Variants in SKI observed in about 807,000 individuals in gnomAD.
The protein encoded by SKI is ski oncogene.
In SKI, 23 loss-of-function variants were observed where a neutral mutation model predicts 59.3. The ratio of observed to expected loss-of-function variants is 0.39; its 90% confidence interval spans 0.28 to 0.55. The LOEUF is 0.55. Ranked by LOEUF, SKI falls within the 20% of genes least tolerant of loss-of-function variation. SKI has a pLI of 0.67. For missense variants in SKI, 1,017 were observed against 1,038.9 expected (o/e 0.98, Z 0.29); for synonymous variants, 673 against 488.6 (o/e 1.38, Z -4.98).
At chr1:2,248,123 A>G (rs1639039683) in intron 1 of SKI, 1 of 152,106 alleles carries the variant, frequency 6.6e-6, no homozygotes, top group Admixed American at 6.5e-5. Flanking sequence ...GGAGCAGCCC[A>G]CATTCCTTCC....
chr1:2,282,527 C>G (rs544431880), intron 1 of SKI, among the ~76,000 whole-genome samples: 1 of 151,564 alleles, frequency 6.6e-6, no homozygotes. Context: ...CAGGCAGTGG[C>G]GGAGATCTTC....
intron 1 of SKI, among the ~76,000 whole-genome samples, chr1:2,246,860 G>GA (rs1491537317): frequency 1.3e-5 from 2 of 150,802 alleles, no homozygotes; most frequent in Non-Finnish European, 2.9e-5. Context: ...TGATGGGGGG[G>GA]GCCTCAGGAA....
At chr1:2,234,390 G>C (rs527818795) in intron 1 of SKI, among the ~76,000 whole-genome samples, 5 of 152,312 alleles carry the variant, frequency 3.3e-5, no homozygotes, top group South Asian at 4.1e-4. Context: ...GGTCACGGTG[G>C]GGGGGCTAGT....
rs1640600849 is a variant in SKI, at chr1:2,306,803, G to C, written c.*38G>C. On this transcript the variant is annotated 3_prime_UTR_variant, in exon 7 of 7. Transcript: ENST00000378536. ...CCGCCGCAGCGCCGCCGACAACGCG[G>C]GTGCAGGGGGGCGCGGCTGGGCGGT... The C allele has an allele frequency of 1.4e-6, 2 of 1,408,372 alleles. No individual in the cohort carries two copies. The highest frequency in any genetic ancestry group is 1.8e-6 in the Non-Finnish European group (2 of 1,081,294). The allele number at this position is 1,408,372 out of a possible 1,614,324, so 87.2% of individuals were successfully genotyped here. A position where few individuals can be genotyped will look rare whatever the true frequency, so the allele number is the denominator to read the frequency against.
chr1:2,249,891 C>T (rs1639087011), intron 1 of SKI, among the ~76,000 whole-genome samples: 1 of 151,912 alleles, frequency 6.6e-6, no homozygotes, highest in Non-Finnish European at 1.5e-5. Context: ...GCTGCTGTTG[C>T]AGCTTGCATC....
At chr1:2,255,236 C>T (rs544488640) in intron 1 of SKI, among the ~76,000 whole-genome samples, 1 of 152,246 alleles carries the variant, frequency 6.6e-6, no homozygotes, top group South Asian at 2.1e-4. Context: ...ACCTGAGTGA[C>T]CCCCACGTAC....
chr1:2,306,764 A>AGATTCCGTGCCTGCC lies in SKI; in HGVS notation c.*1_*15dup. 2 of 1,513,392 alleles carry AGATTCCGTGCCTGCC rather than the reference A, an allele frequency of 1.3e-6. No homozygotes were observed. Among genetic ancestry groups the AGATTCCGTGCCTGCC allele is most frequent in the East Asian group, 5.3e-5 (2 of 37,918 alleles). The allele number at this position is 1,513,392 out of a possible 1,614,324, so 93.7% of individuals were successfully genotyped here. ...GAGGGCGCTGCGGAGCTGGAGCCGT[A>AGATTCCGTGCCTGCC]GATTCCGTGCCTGCCGCCGCAGCGC... On this transcript the variant is annotated inframe_insertion and stop_retained_variant, in exon 7 of 7. Transcript: ENST00000378536.
At chr1:2,302,257 C>T (rs754727933) in intron 1 of SKI, among the ~76,000 whole-genome samples, 45 of 152,276 alleles carry the variant, frequency 3.0e-4, no homozygotes, top group Non-Finnish European at 6.2e-4. Flanking sequence ...GGTCTGGGCA[C>T]CTTCGCTAAG....
chr1:2,284,697 C>A (rs528252310), intron 1 of SKI, among the ~76,000 whole-genome samples: 13 of 152,300 alleles, frequency 8.5e-5, no homozygotes, highest in Non-Finnish European at 1.8e-4. Flanking sequence ...GGCCTATGAG[C>A]CCTCCCTGGC....
At chr1:2,274,335 T>A (rs999549604) in intron 1 of SKI, among the ~76,000 whole-genome samples, 6 of 152,176 alleles carry the variant, frequency 3.9e-5, no homozygotes, top group African/African-American at 1.4e-4. Context: ...GGCTCACGGT[T>A]CTTCTCTCTG....
rs1325848896 is a variant in SKI, at chr1:2,300,815, G to C, written c.970-2163G>C. Among the ~76,000 whole-genome samples the C allele has an allele frequency of 5.3e-5, 8 of 152,216 alleles. No individual in the cohort carries two copies. The South Asian group carries it at 1.7e-3, about 32-fold the overall frequency. On this transcript the variant is annotated intron_variant, in intron 1 of 6. Transcript: ENST00000378536. ...CGTCCCTGGCCCCAAGGATGGCCCT[G>C]AGCCCATCTGCCTCAACCCTCCAGA... is the stretch of plus-strand genomic sequence containing the variant.
Position 2,304,010 on chromosome 1 carries a change from C to T in SKI, c.1382C>T (p.Thr461Ile), listed in dbSNP as rs141464453. 26 of 1,612,400 alleles carry T rather than the reference C, an allele frequency of 1.6e-5. No homozygotes were observed. The highest frequency in any genetic ancestry group is 3.3e-5 in the Admixed American group (2 of 59,974). Reference sequence around the variant, plus strand: ...CGGAAGCGGAAGCTGACTGTGGACACCCCAGGAGCCCCAGAGACGCTGGCG... The same window carrying T: ...CGGAAGCGGAAGCTGACTGTGGACATCCCAGGAGCCCCAGAGACGCTGGCG... ...QPRKRKLTVD[T>I]PGAPETLAPV... is the part of the protein sequence containing the mutation. The change falls in exon 4 of 7, where the codon ACC (threonine) becomes ATC (isoleucine). Residue 461 changes from threonine (T) to isoleucine (I), a missense_variant. Transcript: ENST00000378536.
chr1:2,282,165 C>T (rs868473488), intron 1 of SKI, among the ~76,000 whole-genome samples: 6 of 23,380 alleles, frequency 2.6e-4, no homozygotes, highest in African/African-American at 3.5e-4. Flanking sequence ...AGAGGACGCC[C>T]GAGAAGACAG....
At position 2,302,961 on chromosome 1, in the gene SKI, C is replaced by A. The variant is rs369057826; in HGVS notation, c.970-17C>A. On this transcript the variant is annotated splice_polypyrimidine_tract_variant and intron_variant, in intron 1 of 6. Transcript: ENST00000378536. ...CTGGGAACCACAGGTGCCAACAAAA[C>A]CTTTCATTGATCGCAGGTCTCCTCT... is the stretch of plus-strand genomic sequence containing the variant. The A allele has an allele frequency of 1.2e-6, 2 of 1,613,366 alleles. No homozygotes were observed. Among genetic ancestry groups the A allele is most frequent in the Admixed American group, 1.7e-5 (1 of 60,030 alleles).
chr1:2,248,642 G>A (rs1357145090), intron 1 of SKI, among the ~76,000 whole-genome samples: 2 of 152,254 alleles, frequency 1.3e-5, no homozygotes, highest in South Asian at 2.1e-4. Context: ...TCTCTGGCAG[G>A]CACTGGCTGT....
intron 1 of SKI, among the ~76,000 whole-genome samples, chr1:2,234,357 TCC>T (rs1460027093): frequency 1.3e-5 from 2 of 152,030 alleles, no homozygotes; most frequent in African/African-American, 4.8e-5. Context: ...CTGGGCTGGG[TCC>T]CTCGCCTTCT....
At chr1:2,271,112 G>A (rs984068713) in intron 1 of SKI, among the ~76,000 whole-genome samples, 3 of 152,166 alleles carry the variant, frequency 2.0e-5, no homozygotes, top group African/African-American at 7.2e-5. Context: ...TTTCCTGATG[G>A]GTGTTGGGGT....
At position 2,309,832 on chromosome 1, in the gene SKI, C is replaced by T. The variant is rs1640705345; in HGVS notation, c.*3067C>T. ...GTCCGAACCCCGGCCCCCCCCCCAC[C>T]CCCTCCTCCCTGTGGGTCCGAACCC... On this transcript the variant is annotated 3_prime_UTR_variant, in exon 7 of 7. Coordinates refer to ENST00000378536, the MANE Select transcript of SKI (RefSeq NM_003036.4). The T allele has an allele frequency of 1.2e-5, 1 of 84,848 alleles. No homozygotes were observed. The highest frequency in any genetic ancestry group is 4.8e-5 in the African/African-American group (1 of 20,930). The allele number at this position is 84,848 out of a possible 1,614,324, so 5.3% of individuals were successfully genotyped here.
At position 2,303,998 on chromosome 1, in the gene SKI, T is replaced by A; in HGVS notation, c.1370T>A (p.Leu457Gln). The A allele has an allele frequency of 1.9e-6, 3 of 1,612,568 alleles. No homozygotes were observed. The highest frequency in any genetic ancestry group is 2.5e-6 in the Non-Finnish European group (3 of 1,179,878). ...ATCTQPRKRK[L>Q]TVDTPGAPET... ...TGCACCCAGCCTCGGAAGCGGAAGC[T>A]GACTGTGGACACCCCAGGAGCCCCA... is the stretch of plus-strand genomic sequence containing the variant. The change falls in exon 4 of 7, where the codon CTG becomes CAG. Residue 457 changes from leucine to glutamine, a missense_variant. Transcript: ENST00000378536. The surrounding 1 kb of genome is among the most constrained non-coding windows in gnomAD (Gnocchi z 5.6).
Sources: gnomAD v4.1 joint callset for allele counts (sites outside exome capture counted in the v4.1 genomes callset) on GRCh38, gnomAD v4.1.1 for gene constraint, Gnocchi (gnomAD v3.1) non-coding constraint, MANE v1.5 for transcripts, NCBI Gene and HGNC (gene_info 2026-07-23, HGNC 2026-07-21) for gene names.